RBM25: variants seen among roughly 807,000 people sequenced by gnomAD.
RBM25 encodes RNA-binding protein 25.
Under a neutral mutation model 120.7 loss-of-function variants are expected in RBM25, and 19 were observed. The ratio of observed to expected loss-of-function variants is 0.16; its 90% CI spans 0.11 to 0.23. The LOEUF is 0.23. Among genes scored for constraint, RBM25 ranks in the 10% least tolerant of loss-of-function variants. RBM25 has a pLI of 1.00. For synonymous variants in RBM25, 390 were observed against 326.7 expected (o/e 1.19, Z -2.09); for missense variants, 605 against 1,041.5 (o/e 0.58, Z 5.77).
chr14:73,097,162 A>G, intron 7 of RBM25, 62 bp downstream of exon 7: 1 of 990,454 alleles, frequency 1.0e-6, no homozygotes. Context: ...TCACTCTTAT[A>G]CTTTGATTAC....
intron 1 of RBM25, chr14:73,068,499 A>G: frequency 1.1e-6 from 1 of 896,668 alleles, no homozygotes; most frequent in South Asian, 1.3e-5. Context: ...AGTGTGCCGC[A>G]TGTTGTATTT....
At chr14:73,099,315 T>C in intron 7 of RBM25, 65 bp from the exon 8 acceptor site, 1 of 1,427,206 alleles carries the variant, frequency 7.0e-7, no homozygotes, top group Non-Finnish European at 9.7e-7. Flanking sequence ...AGGGCATTGC[T>C]TTGCAGATTA....
At chr14:73,106,620 C>T (rs1896194040) in intron 12 of RBM25, among the ~76,000 whole-genome samples, 1 of 152,006 alleles carries the variant, frequency 6.6e-6, no homozygotes, top group East Asian at 1.9e-4. Flanking sequence ...ATAATAGTTG[C>T]ATTTGAAATT....
At chr14:73,091,496 G>T (rs1231368239) in intron 6 of RBM25, among the ~76,000 whole-genome samples, 1 of 152,162 alleles carries the variant, frequency 6.6e-6, no homozygotes, top group Non-Finnish European at 1.5e-5. Context: ...TTACAGGCAG[G>T]AGCCACTGTG....
chr14:73,087,856 A>G, intron 5 of RBM25, 145 bp from the exon 6 acceptor site: 2 of 729,426 alleles, frequency 2.7e-6, no homozygotes, highest in South Asian at 4.5e-5. Flanking sequence ...ATGGTTATCA[A>G]AGGGAATTGG....
At chr14:73,070,407 G>T (rs899245282) in intron 1 of RBM25, among the ~76,000 whole-genome samples, 13 of 150,036 alleles carry the variant, frequency 8.7e-5, no homozygotes, top group Non-Finnish European at 3.0e-5. Context: ...CTTCAGTTTT[G>T]ATTCAAGAAT....
intron 2 of RBM25, among the ~76,000 whole-genome samples, chr14:73,075,314 A>G (rs1037506642): frequency 6.6e-6 from 1 of 151,832 alleles, no homozygotes; most frequent in African/African-American, 2.4e-5. Context: ...ACGCACCACT[A>G]CGCCTGGCTA....
In RBM25 at chr14:73,119,997, T is replaced by C; in HGVS notation, c.*192T>C. The C allele has an allele frequency of 1.3e-6, 1 of 779,108 alleles. No homozygotes were observed. The highest frequency in any genetic ancestry group is 2.1e-5 in the South Asian group (1 of 48,224). 48.3% of individuals were successfully genotyped at this position (779,108 alleles called of 1,614,324 possible). A position where few individuals can be genotyped will look rare whatever the true frequency, so the allele number is the denominator to read the frequency against. On this transcript the variant is annotated 3_prime_UTR_variant, in exon 19 of 19. Coordinates refer to ENST00000261973, the MANE Select transcript of RBM25 (RefSeq NM_021239.3). ...TTGGTTGTAAAGTCATCTGAATCCT[T>C]GGTTCTCTTTATACTCACCAGGTAC...
intron 7 of RBM25, among the ~76,000 whole-genome samples, chr14:73,098,644 C>T (rs573464238): frequency 1.5e-4 from 22 of 151,592 alleles, no homozygotes; most frequent in African/African-American, 5.1e-4. Flanking sequence ...TTTTTGTTCC[C>T]GCCCCTACCC....
At chr14:73,112,089 G>A in intron 16 of RBM25, 63 bp from the exon 17 acceptor site, 1 of 1,420,824 alleles carries the variant, frequency 7.0e-7, no homozygotes, top group Non-Finnish European at 9.7e-7. Context: ...AAATCATGAA[G>A]CTTTAATAAC....
rs755225980 is a variant in RBM25, at chr14:73,077,413, A to G, written c.201A>G (p.Ala67=). The G allele has an allele frequency of 1.4e-5, 23 of 1,613,966 alleles. 1 individual carries two copies. The South Asian group carries it at 2.4e-4, about 17-fold the overall frequency. ...CTATGGTTGGAAAGCATTTGGGCGC[A>G]AGAAAGGATCATCCAGGCTTAAAGG... ...TVSMVGKHLG[A]RKDHPGLKAK... Residue 67 remains alanine (A), a synonymous_variant, in exon 4 of 19, where the codon GCA becomes GCG. Transcript: ENST00000261973.
intron 1 of RBM25, among the ~76,000 whole-genome samples, chr14:73,062,676 G>C (rs1156748026): frequency 1.3e-5 from 2 of 151,444 alleles, no homozygotes; most frequent in Non-Finnish European, 3.0e-5. Flanking sequence ...TATGTCTTCA[G>C]GGTTTCTTTT....
intron 12 of RBM25, chr14:73,107,404 T>C (rs1250632644): frequency 6.5e-6 from 1 of 153,862 alleles, no homozygotes; most frequent in Non-Finnish European, 1.4e-5. Flanking sequence ...AGTATTATTA[T>C]ATTTATTATG....
intron 16 of RBM25, among the ~76,000 whole-genome samples, 171 bp downstream of exon 16, chr14:73,111,973 T>A (rs1057414246): frequency 1.1e-4 from 16 of 152,134 alleles, no homozygotes; most frequent in Non-Finnish European, 1.6e-4. Context: ...ATAATGGAAA[T>A]TTTTTTTGTG....
Position 73,110,982 on chromosome 14 carries a change from C to T in RBM25, c.1844C>T (p.Pro615Leu). Reference protein sequence around the residue: ...EEPEQKPCLKPTLRPISSAPS... With the variant: ...EEPEQKPCLKLTLRPISSAPS... ...CCAGAGCAAAAGCCTTGTCTGAAAC[C>T]TACTCTGAGGCCCATCAGCTCTGCT... is the stretch of plus-strand genomic sequence containing the variant. The change falls in exon 15 of 19, where the codon CCT becomes CTT. Residue 615 changes from proline to leucine, a missense_variant. By Grantham distance (98) the Pro-to-Leu change is moderately conservative (BLOSUM62 -3). This residue lies in a region of RBM25 where 465 missense variants were observed against 741.6 expected (regional missense o/e 0.63). Coordinates refer to ENST00000261973, the MANE Select transcript of RBM25 (RefSeq NM_021239.3). The T allele has an allele frequency of 6.2e-7, 1 of 1,613,764 alleles. No homozygotes were observed. Among genetic ancestry groups the T allele is most frequent in the South Asian group, 1.1e-5 (1 of 91,010 alleles).
chr14:73,103,938 TCTCTCTCTCTCACACACACACACACACA>T (rs1896115610), intron 10 of RBM25, among the ~76,000 whole-genome samples: 1 of 53,836 alleles, frequency 1.9e-5, no homozygotes, highest in Non-Finnish European at 3.6e-5. Context: ...TCTCTCTCTC[TCTCTCTCTCTCACACACACACACACACA>T]CACACACACA....
At position 73,120,581 on chromosome 14, in the gene RBM25, ATG is replaced by A. The variant is rs1896522416; in HGVS notation, c.*779_*780del. The A allele has an allele frequency of 6.6e-6, 1 of 152,296 alleles. No homozygotes were observed. Among genetic ancestry groups the A allele is most frequent in the African/African-American group, 2.4e-5 (1 of 41,448 alleles). The allele number at this position is 152,296 out of a possible 1,614,324, so 9.4% of individuals were successfully genotyped here. On this transcript the variant is annotated 3_prime_UTR_variant, in exon 19 of 19. Transcript: ENST00000261973. ...CTGCTTCAGCTTCTCTTTTAAAGGAATGTGGATCATAGTGATTTTTCCTTTTA... is the reference window on the plus strand; with the variant it reads ...CTGCTTCAGCTTCTCTTTTAAAGGAATGGATCATAGTGATTTTTCCTTTTA...
At chr14:73,066,583 G>A (rs1376982042) in intron 1 of RBM25, among the ~76,000 whole-genome samples, 1 of 151,228 alleles carries the variant, frequency 6.6e-6, no homozygotes, top group African/African-American at 2.4e-5. Flanking sequence ...CCCGACAGGC[G>A]GAGGTTTCAG....
chr14:73,090,435 A>G (rs1446706675), intron 6 of RBM25, among the ~76,000 whole-genome samples: 1 of 151,948 alleles, frequency 6.6e-6, no homozygotes, highest in African/African-American at 2.4e-5. Flanking sequence ...TGCACATACT[A>G]CTGCATGTAC....
Sources: gnomAD v4.1 joint callset for allele counts (sites outside exome capture counted in the v4.1 genomes callset) on GRCh38, gnomAD v4.1.1 for gene constraint, gnomAD v4.1.1 regional missense constraint, MANE v1.5 for transcripts, NCBI Gene and HGNC (gene_info 2026-07-23, HGNC 2026-07-21) for gene names.